The following TCF4 variants were observed in gnomAD, a reference collection of about 807,000 sequenced individuals.
The protein encoded by TCF4 is SL3-3 enhancer factor 2.
In TCF4, 3 loss-of-function variants were observed where a neutral mutation model predicts 82.1. The ratio of observed to expected loss-of-function variants is 0.04; its 90% confidence interval spans 0.02 to 0.09. The LOEUF (loss-of-function observed/expected upper bound fraction) is 0.09. TCF4 is among the 10% of genes least tolerant of loss of function. The pLI is 1.00. For synonymous variants in TCF4, 276 were observed against 309.6 expected (o/e 0.89, Z 1.14); for missense variants, 518 against 852.7 (o/e 0.61, Z 4.89).
intron 3 of TCF4, among the ~76,000 whole-genome samples, chr18:55,579,518 A>G (rs778794517): frequency 6.6e-6 from 1 of 151,972 alleles, no homozygotes; most frequent in Non-Finnish European, 1.5e-5. Context: ...TTTTCATGCT[A>G]TGTCTGTATA....
chr18:55,408,513 G>A (rs2094200446), intron 5 of TCF4, among the ~76,000 whole-genome samples: 1 of 152,128 alleles, frequency 6.6e-6, no homozygotes, highest in Admixed American at 6.6e-5. Flanking sequence ...CATACATGAG[G>A]TTATTATTTA....
intron 3 of TCF4, among the ~76,000 whole-genome samples, chr18:55,564,117 A>T (rs549024465): frequency 6.6e-6 from 1 of 152,344 alleles, no homozygotes; most frequent in African/African-American, 2.4e-5. Flanking sequence ...CTCTGAATGG[A>T]ATCAGCCACG....
intron 5 of TCF4, among the ~76,000 whole-genome samples, chr18:55,442,869 C>T (rs1305829406): frequency 6.6e-6 from 1 of 152,220 alleles, no homozygotes; most frequent in Non-Finnish European, 1.5e-5. Flanking sequence ...GCTCTGCACC[C>T]TTCTGCAGCT....
chr18:55,552,701 T>C (rs1406334497), intron 3 of TCF4, among the ~76,000 whole-genome samples: 3 of 152,252 alleles, frequency 2.0e-5, no homozygotes, highest in East Asian at 1.9e-4. Flanking sequence ...TGCAGTTCAA[T>C]TGACGTGTTC....
At chr18:55,367,896 G>T (rs73960248) in intron 6 of TCF4, among the ~76,000 whole-genome samples, 1 of 152,174 alleles carries the variant, frequency 6.6e-6, no homozygotes, top group South Asian at 2.1e-4. Context: ...TGGCTATTTT[G>T]CAACCTCCAA....
Position 55,269,822 on chromosome 18 carries a change from G to A in TCF4, c.922+9C>T. ...TGTTGGTATCAGAATTGGCATTTCT[G>A]TGACTCACCCATTATACTGTCTGTC... On this transcript the variant is annotated intron_variant, in intron 11 of 19. Coordinates refer to ENST00000354452, the MANE Select transcript of TCF4 (RefSeq NM_001083962.2). 1 of 1,612,920 alleles carries A rather than the reference G, an allele frequency of 6.2e-7. No homozygotes were observed.
intron 4 of TCF4, among the ~76,000 whole-genome samples, chr18:55,463,011 T>C (rs1169383859): frequency 1.3e-5 from 2 of 152,162 alleles, no homozygotes; most frequent in South Asian, 2.1e-4. Flanking sequence ...CCCTGCCTCT[T>C]ATGCCAAAAT....
chr18:55,589,730 G>C, upstream of TCF4: 1 of 1,024,410 alleles, frequency 9.8e-7, no homozygotes, highest in Non-Finnish European at 1.2e-6. Flanking sequence ...ACTCCCCCGT[G>C]GAGTCACATT....
intron 5 of TCF4, among the ~76,000 whole-genome samples, chr18:55,459,944 G>C (rs2095842087): frequency 6.6e-6 from 1 of 152,104 alleles, no homozygotes; most frequent in African/African-American, 2.4e-5. Flanking sequence ...TATCTGCTTT[G>C]ACTATTTTGT....
Position 55,350,943 on chromosome 18 carries a change from G to C in TCF4, c.430C>G (p.Pro144Ala), listed in dbSNP as rs2082194528. The change falls in exon 7 of 20, where the codon CCT (proline) becomes GCT (alanine). Residue 144 changes from proline to alanine, a missense_variant. Pro to Ala is a conservative substitution (Grantham distance 27). This residue lies in a region of TCF4 where 211 missense variants were observed against 327.4 expected (regional missense o/e 0.64). Coordinates refer to ENST00000354452, the MANE Select transcript of TCF4 (RefSeq NM_001083962.2). ...GAATACTGATAGTACTGGGAACCAG[G>C]TTTGGTGGGCGAAAGGGTTCCTGGG... is the stretch of plus-strand genomic sequence containing the variant. ...GNPGTLSPTK[P>A]GSQYYQYSSN... The C allele has an allele frequency of 6.2e-7, 1 of 1,613,676 alleles. No individual in the cohort carries two copies. Among genetic ancestry groups the C allele is most frequent in the East Asian group, 2.2e-5 (1 of 44,876 alleles).
At chr18:55,511,330 T>TAAAAAAAAAAAAAAAAAAAAAA (rs751932079) in intron 3 of TCF4, among the ~76,000 whole-genome samples, 2 of 73,072 alleles carry the variant, frequency 2.7e-5, no homozygotes, top group African/African-American at 3.6e-5. Flanking sequence ...TTCCAAAAGT[T>TAAAAAAAAAAAAAAAAAAAAAA]TAAAAAAAAA....
intron 10 of TCF4, among the ~76,000 whole-genome samples, chr18:55,273,658 C>A (rs979608468): frequency 2.0e-5 from 3 of 152,060 alleles, no homozygotes; most frequent in Non-Finnish European, 4.4e-5. Flanking sequence ...AACAAAAACT[C>A]TACTCTCTGA....
At chr18:55,455,054 G>C (rs1189612970) in intron 5 of TCF4, among the ~76,000 whole-genome samples, 1 of 151,794 alleles carries the variant, frequency 6.6e-6, no homozygotes, top group African/African-American at 2.4e-5. Flanking sequence ...AGATGTGGTG[G>C]TGTACACCTG....
intron 3 of TCF4, among the ~76,000 whole-genome samples, chr18:55,584,255 A>C (rs1420858581): frequency 3.3e-5 from 5 of 152,172 alleles, no homozygotes; most frequent in African/African-American, 1.2e-4. Context: ...TTATATTCAT[A>C]GTTGACAGAC....
chr18:55,632,097 G>C (rs2097732125), intron 1 of TCF4, among the ~76,000 whole-genome samples: 1 of 152,142 alleles, frequency 6.6e-6, no homozygotes. Context: ...GGAGTGCAGT[G>C]GCACGATCTC....
intron 3 of TCF4, among the ~76,000 whole-genome samples, chr18:55,487,736 C>G (rs1335398788): frequency 6.6e-6 from 1 of 151,850 alleles, no homozygotes; most frequent in African/African-American, 2.4e-5. Context: ...GGGATAACAA[C>G]TTGATTTGAA....
At chr18:55,514,686 A>AT (rs1306532523) in intron 3 of TCF4, among the ~76,000 whole-genome samples, 2 of 152,014 alleles carry the variant, frequency 1.3e-5, no homozygotes, top group African/African-American at 4.8e-5. Flanking sequence ...GCAGCATTTG[A>AT]TTTTTTTTGG....
chr18:55,611,724 G>T (rs527472473), intron 2 of TCF4, among the ~76,000 whole-genome samples: 2 of 152,012 alleles, frequency 1.3e-5, no homozygotes, highest in Admixed American at 6.6e-5. Flanking sequence ...TAGTATATGC[G>T]AAATATTATA....
intron 3 of TCF4, among the ~76,000 whole-genome samples, chr18:55,546,618 AAAG>A (rs1342946816): frequency 1.3e-5 from 2 of 152,170 alleles, no homozygotes; most frequent in African/African-American, 4.8e-5. Flanking sequence ...GAGAAGATAT[AAAG>A]AAGGATAAAG....
Sources: gnomAD v4.1 joint callset for allele counts (sites outside exome capture counted in the v4.1 genomes callset) on GRCh38, gnomAD v4.1.1 for gene constraint, gnomAD v4.1.1 regional missense constraint, MANE v1.5 for transcripts, NCBI Gene and HGNC (gene_info 2026-07-23, HGNC 2026-07-21) for gene names.